Variants in THSD7B observed in about 807,000 individuals in gnomAD.
THSD7B encodes the protein thrombospondin type 1 domain containing 7B.
A neutral mutation model predicts 213.6 loss-of-function variants in THSD7B; 138 were observed. The observed-to-expected ratio is 0.65, with a 90% CI of 0.56 to 0.74. The LOEUF (loss-of-function observed/expected upper bound fraction) is 0.74, where lower values mean the gene tolerates loss of function less well. THSD7B is among the 30% of genes least tolerant of loss of function. The pLI, the probability that THSD7B is intolerant of heterozygous loss-of-function variation, is 0.00. For missense variants in THSD7B, 1,931 were observed against 1,991.5 expected (o/e 0.97, Z 0.58); for synonymous variants, 742 against 687.0 (o/e 1.08, Z -1.25).
chr2:136,885,423 G>A (rs1683701441), intron 2 of THSD7B, among the ~76,000 whole-genome samples: 1 of 152,098 alleles, frequency 6.6e-6, no homozygotes, highest in South Asian at 2.1e-4. Flanking sequence ...AGGCTGCAAG[G>A]TCATTGATCT....
At chr2:137,089,465 A>T (rs1687911435) in intron 3 of THSD7B, among the ~76,000 whole-genome samples, 1 of 151,554 alleles carries the variant, frequency 6.6e-6, no homozygotes, top group African/African-American at 2.4e-5. Context: ...TATAAGATGA[A>T]ATATGACTCA....
chr2:137,362,037 G>C (rs562910756), intron 12 of THSD7B, among the ~76,000 whole-genome samples: 18 of 152,176 alleles, frequency 1.2e-4, no homozygotes, highest in Middle Eastern at 3.4e-3. Context: ...GGGATCTCTC[G>C]GTAGAAACTC....
intron 14 of THSD7B, among the ~76,000 whole-genome samples, chr2:137,437,481 C>T (rs1687319457): frequency 1.3e-5 from 2 of 152,138 alleles, no homozygotes; most frequent in African/African-American, 4.8e-5. Flanking sequence ...TTCAACATGT[C>T]CTGAATTATA....
At chr2:137,315,231 C>T (rs1292953391) in intron 12 of THSD7B, among the ~76,000 whole-genome samples, 1 of 152,220 alleles carries the variant, frequency 6.6e-6, no homozygotes, top group Non-Finnish European at 1.5e-5. Context: ...TTAAGCCCAT[C>T]AGAAAAGCGC....
At chr2:137,546,395 TTA>T (rs1214102987) in intron 15 of THSD7B, among the ~76,000 whole-genome samples, 8 of 33,282 alleles carry the variant, frequency 2.4e-4, no homozygotes, top group African/African-American at 1.4e-3. Context: ...ATTATATATA[TTA>T]TATATATTAT....
chr2:136,834,501 G>T (rs1682813971), intron 1 of THSD7B, among the ~76,000 whole-genome samples: 1 of 151,838 alleles, frequency 6.6e-6, no homozygotes, highest in Admixed American at 6.6e-5. Context: ...TACTACTGTT[G>T]TTTCCCAAGG....
In THSD7B at chr2:137,170,750, C is replaced by A. The variant is rs61746979; in HGVS notation, c.1535C>A (p.Thr512Lys). Residue 512 changes from threonine (T) to lysine (K), a missense_variant, in exon 7 of 28, where the codon ACG becomes AAG. By Grantham distance (78) the Thr-to-Lys change is moderately conservative (BLOSUM62 -1). Coordinates refer to ENST00000409968, the MANE Select transcript of THSD7B (RefSeq NM_001316349.2). ...TTCTCTCTCTTTTTAGGATTTAGAA[C>A]GAGGCAGCGCCATGTCCTCATGGAA... ...HDPQGKKGFR[T>K]RQRHVLMEST... The A allele has an allele frequency of 6.2e-7, 1 of 1,611,090 alleles. No individual in the cohort carries two copies. The highest frequency in any genetic ancestry group is 1.1e-5 in the South Asian group (1 of 90,922).
At chr2:137,401,722 AAT>A (rs1686369325) in intron 12 of THSD7B, among the ~76,000 whole-genome samples, 1 of 150,198 alleles carries the variant, frequency 6.7e-6, no homozygotes, top group Non-Finnish European at 1.5e-5. Flanking sequence ...TCTTCAGGCT[AAT>A]GTGGGTGCTG....
chr2:137,208,342 C>T (rs541772849), intron 7 of THSD7B, among the ~76,000 whole-genome samples: 4 of 152,142 alleles, frequency 2.6e-5, no homozygotes, highest in Admixed American at 6.6e-5. Context: ...AGAGTTCCTT[C>T]AGACCCCCAG....
intron 12 of THSD7B, among the ~76,000 whole-genome samples, chr2:137,329,536 T>G (rs1183165185): frequency 6.6e-6 from 1 of 152,096 alleles, no homozygotes; most frequent in Non-Finnish European, 1.5e-5. Flanking sequence ...CAATTAATTT[T>G]CTGTATTTTC....
intron 17 of THSD7B, among the ~76,000 whole-genome samples, chr2:137,576,804 C>A (rs368271884): frequency 2.6e-4 from 39 of 150,910 alleles, no homozygotes; most frequent in Non-Finnish European, 3.8e-4. Context: ...CACCCCCCCC[C>A]CTTTTTTTAA....
At chr2:137,178,410 A>G (rs948843755) in intron 7 of THSD7B, among the ~76,000 whole-genome samples, 4 of 152,210 alleles carry the variant, frequency 2.6e-5, no homozygotes, top group African/African-American at 9.6e-5. Context: ...TGGTGATGAC[A>G]AATACATTGT....
At chr2:137,504,116 G>A (rs535752502) in intron 15 of THSD7B, among the ~76,000 whole-genome samples, 1 of 151,806 alleles carries the variant, frequency 6.6e-6, no homozygotes, top group East Asian at 1.9e-4. Flanking sequence ...TTATGTTCCT[G>A]AACATAGCTT....
At chr2:137,245,790 A>T (rs1341428207) in intron 10 of THSD7B, among the ~76,000 whole-genome samples, 2 of 152,170 alleles carry the variant, frequency 1.3e-5, no homozygotes, top group African/African-American at 2.4e-5. Context: ...AAATCTAGGC[A>T]GTGGATTTTG....
intron 1 of THSD7B, among the ~76,000 whole-genome samples, chr2:136,878,701 G>A (rs1389958601): frequency 1.3e-5 from 2 of 152,266 alleles, no homozygotes; most frequent in Non-Finnish European, 2.9e-5. Flanking sequence ...TCTCTTGGCT[G>A]CATAAATGTC....
Position 137,673,779 on chromosome 2 carries a change from G to T in THSD7B, c.4740-2745G>T, listed in dbSNP as rs564564729. 2.0e-5 allele frequency among the ~76,000 whole-genome samples: 3 copies of T among 152,264 alleles called. No individual in the cohort carries two copies. In the East Asian group the frequency reaches 5.8e-4, roughly 29 times the overall value. The stretch of plus-strand genomic sequence containing the variant: ...GTACTACCATGTTCAGTGGTCCAGA[G>T]ATTAATATTTGAGAGGAGGCTGATC... On this transcript the variant is annotated intron_variant, in intron 27 of 27. Coordinates refer to ENST00000409968, the MANE Select transcript of THSD7B (RefSeq NM_001316349.2).
chr2:137,012,160 C>T (rs1032056955), intron 2 of THSD7B, among the ~76,000 whole-genome samples: 5 of 152,184 alleles, frequency 3.3e-5, no homozygotes, highest in East Asian at 3.8e-4. Context: ...TAAACATCTT[C>T]TATAATTCAA....
chr2:137,513,604 C>T (rs183190078), intron 15 of THSD7B, among the ~76,000 whole-genome samples: 6 of 152,096 alleles, frequency 3.9e-5, no homozygotes, highest in African/African-American at 1.4e-4. Flanking sequence ...TATATTTGAC[C>T]AAAAATAATT....
intron 26 of THSD7B, among the ~76,000 whole-genome samples, chr2:137,663,998 C>T (rs1683401573): frequency 6.6e-6 from 1 of 152,014 alleles, no homozygotes; most frequent in South Asian, 2.1e-4. Flanking sequence ...ATTACAGGTG[C>T]CTGCCACCAC....
Sources: allele counts gnomAD v4.1 joint callset (sites outside exome capture counted in the v4.1 genomes callset), GRCh38; gene constraint gnomAD v4.1.1; transcripts MANE v1.5; gene names NCBI Gene and HGNC (gene_info 2026-07-23, HGNC 2026-07-21).